PCDHGB5: variants seen among roughly 807,000 people sequenced by gnomAD.
PCDHGB5 encodes protocadherin gamma-B5.
In PCDHGB5, 48 loss-of-function variants were observed where a neutral mutation model predicts 62.9. The ratio of observed to expected loss-of-function variants is 0.76; its 90% CI spans 0.61 to 0.97. PCDHGB5 has a LOEUF of 0.97. Among genes scored for constraint, PCDHGB5 ranks in the 50% least tolerant of loss-of-function variants. PCDHGB5 has a pLI of 0.00. For synonymous variants in PCDHGB5, 474 were observed against 511.2 expected (o/e 0.93, Z 0.98); for missense variants, 1,118 against 1,198.6 (o/e 0.93, Z 0.99).
chr5:141,494,745 G>C, intron 1 of PCDHGB5, 62 bp from the exon 2 acceptor site: 1 of 1,612,802 alleles, frequency 6.2e-7, no homozygotes, highest in Middle Eastern at 1.7e-4. Flanking sequence ...ATCCCTAGGG[G>C]CTCGGGTGAC....
intron 1 of PCDHGB5, among the ~76,000 whole-genome samples, chr5:141,465,502 G>T (rs948827391): frequency 6.6e-6 from 1 of 152,152 alleles, no homozygotes; most frequent in Non-Finnish European, 1.5e-5. Flanking sequence ...GAGCATTGTC[G>T]TGGTCAGGAA....
At chr5:141,422,989 C>T (rs777558098) in intron 1 of PCDHGB5, 1 of 1,614,232 alleles carries the variant, frequency 6.2e-7, no homozygotes, top group African/African-American at 1.3e-5. Flanking sequence ...ACCTGGCTAC[C>T]TGGTGACCAA....
intron 1 of PCDHGB5, chr5:141,430,836 C>T: frequency 6.4e-7 from 1 of 1,558,936 alleles, no homozygotes; most frequent in South Asian, 1.2e-5. Context: ...CTGTGGGAGA[C>T]CGGATGCACC....
At chr5:141,508,824 G>T (rs893436748) in intron 3 of PCDHGB5, among the ~76,000 whole-genome samples, 1 of 151,952 alleles carries the variant, frequency 6.6e-6, no homozygotes, top group Non-Finnish European at 1.5e-5. Context: ...CCAGATCTGG[G>T]CCCCCCTCCC....
Position 141,500,858 on chromosome 5 carries a change from A to G in PCDHGB5, c.2457-4535A>G, listed in dbSNP as rs1160743056. Among the ~76,000 whole-genome samples the G allele has an allele frequency of 3.3e-5, 5 of 150,740 alleles. No individual in the cohort carries two copies. The South Asian group carries it at 1.0e-3, about 32-fold the overall frequency. ...TAATGGGCTTTTGCTACATTAGAAA[A>G]CATACACATTCATTTACAATTTTTT... On this transcript the variant is annotated intron_variant, in intron 2 of 3. Coordinates refer to ENST00000617380, the MANE Select transcript of PCDHGB5 (RefSeq NM_018925.3).
chr5:141,496,839 A>G (rs2099771783), intron 2 of PCDHGB5, among the ~76,000 whole-genome samples: 1 of 151,484 alleles, frequency 6.6e-6, no homozygotes. Flanking sequence ...CAGAACTCAT[A>G]GGCTTCCAGA....
At position 141,512,133 on chromosome 5, in the gene PCDHGB5, G is replaced by C. The variant is rs1394116556; in HGVS notation, c.*960G>C. 1 of 152,708 alleles carries C rather than the reference G, an allele frequency of 6.5e-6. No homozygotes were observed. Among genetic ancestry groups the C allele is most frequent in the Non-Finnish European group, 1.5e-5 (1 of 68,102 alleles). The allele number at this position is 152,708 out of a possible 1,614,324, so 9.5% of individuals were successfully genotyped here. On this transcript the variant is annotated 3_prime_UTR_variant, in exon 4 of 4. Transcript: ENST00000617380. ...CCACTACATAATAGGGCTCAGCCCA[G>C]GCAGCCAGCTTTGGGCTGAGCTAAC...
intron 1 of PCDHGB5, chr5:141,475,927 G>A: frequency 1.6e-6 from 1 of 628,480 alleles, no homozygotes; most frequent in South Asian, 2.1e-5. Flanking sequence ...CTGGAGATCG[G>A]GCCCCTGCCC....
chr5:141,427,810 G>T, intron 1 of PCDHGB5: 1 of 1,523,990 alleles, frequency 6.6e-7, no homozygotes, highest in Non-Finnish European at 9.0e-7. Flanking sequence ...AGCGCACAGA[G>T]CGGGGTGGTG....
intron 2 of PCDHGB5, among the ~76,000 whole-genome samples, chr5:141,500,779 T>C (rs1222392685): frequency 1.3e-5 from 2 of 152,238 alleles, no homozygotes; most frequent in Non-Finnish European, 2.9e-5. Context: ...TGAATATACA[T>C]ATTATTTTAC....
Position 141,398,079 on chromosome 5 carries a change from G to A in PCDHGB5, c.-49G>A, listed in dbSNP as rs1409220171. The A allele has an allele frequency of 5.6e-6, 9 of 1,596,334 alleles. No individual in the cohort carries two copies. The highest frequency in any genetic ancestry group is 3.8e-4 in the Middle Eastern group (2 of 5,214). On this transcript the variant is annotated 5_prime_UTR_variant, in exon 1 of 4. Coordinates refer to ENST00000617380, the MANE Select transcript of PCDHGB5 (RefSeq NM_018925.3). ...AAAATCTACAATACAGAGGTTATTT[G>A]TAACCTGGCGTCTCCAGGCTGGTGA...
chr5:141,412,154 A>G (rs528810323), intron 1 of PCDHGB5: 1 of 152,344 alleles, frequency 6.6e-6, no homozygotes, highest in Admixed American at 6.5e-5. Flanking sequence ...ACTGCCTAAG[A>G]GAAGAGATTA....
intron 3 of PCDHGB5, among the ~76,000 whole-genome samples, chr5:141,507,893 G>C (rs750472786): frequency 2.2e-4 from 33 of 152,356 alleles, no homozygotes; most frequent in Non-Finnish European, 4.1e-4. Context: ...AGAGGTTCCT[G>C]AAGTCCAGCC....
At chr5:141,499,553 A>T (rs1215178587) in intron 2 of PCDHGB5, among the ~76,000 whole-genome samples, 3 of 152,206 alleles carry the variant, frequency 2.0e-5, no homozygotes, top group African/African-American at 4.8e-5. Context: ...CCTGTATGAT[A>T]CCACTATCCA....
rs140184617 is a variant in PCDHGB5, at chr5:141,405,523, G to A, written c.2397+4999G>A. ...CAACCTCCGCCTCCCAAATTCAAGC[G>A]ATTCTCCTGCCTCAGCCTCCCAAGT... is the stretch of plus-strand genomic sequence containing the variant. On this transcript the variant is annotated intron_variant, in intron 1 of 3. Transcript: ENST00000617380. 5.4e-4 allele frequency: 366 copies of A among 679,318 alleles called. 4 individuals carry two copies. In the East Asian group the frequency reaches 9.7e-3, roughly 18 times the overall value. The allele number at this position is 679,318 out of a possible 1,614,324, so 42.1% of individuals were successfully genotyped here.
rs759576434 is a variant in PCDHGB5 at position 141,432,109 on chromosome 5, G to C, written c.2397+31585G>C. Reference sequence around the variant, plus strand: ...TGGCAGACACCAACGACAACCCGCCGGTCTTCCCTCAGGCCTCCTATTCCG... The same window carrying C: ...TGGCAGACACCAACGACAACCCGCCCGTCTTCCCTCAGGCCTCCTATTCCG... On this transcript the variant is annotated intron_variant, in intron 1 of 3. Transcript: ENST00000617380. The surrounding 1 kb of genome is among the most constrained non-coding windows in gnomAD (Gnocchi z 6.0). 9 of 1,613,972 alleles carry C rather than the reference G, an allele frequency of 5.6e-6. No homozygotes were observed. In the African/African-American group the frequency reaches 9.3e-5, roughly 17 times the overall value.
intron 1 of PCDHGB5, chr5:141,404,968 G>A: frequency 6.2e-7 from 1 of 1,613,964 alleles, no homozygotes. Context: ...CAGACATCCT[G>A]GCTGACCTGG....
chr5:141,399,775 G>T lies in PCDHGB5; in HGVS notation c.1648G>T (p.Asp550Tyr). The T allele has an allele frequency of 1.9e-6, 3 of 1,613,282 alleles. No individual in the cohort carries two copies. Among genetic ancestry groups the T allele is most frequent in the Non-Finnish European group, 2.5e-6 (3 of 1,179,776 alleles). The change falls in exon 1 of 4, where the codon GAC becomes TAC. Residue 550 changes from aspartate to tyrosine, a missense_variant. Physicochemically the swap from Asp to Tyr is radical, Grantham distance 160. Around this residue, in one of 2 missense-constraint regions of PCDHGB5, gnomAD observed 1,034 missense variants for 1,029.1 expected, o/e 1.00. Transcript: ENST00000617380. ...CGTGAGCCTGCGCGTGTTGGTGGGC[G>T]ACCGAAACGACAACGCACCGCGGGT... ...ANVSLRVLVG[D>Y]RNDNAPRVLY...
intron 1 of PCDHGB5, chr5:141,412,735 T>A (rs2095573578): frequency 6.5e-6 from 1 of 153,492 alleles, no homozygotes; most frequent in African/African-American, 2.4e-5. Context: ...GTGTTGCAAA[T>A]ATATATTTAA....
Sources: allele counts gnomAD v4.1 joint callset (sites outside exome capture counted in the v4.1 genomes callset), GRCh38; gene constraint gnomAD v4.1.1; regional missense constraint gnomAD v4.1.1; non-coding constraint Gnocchi (gnomAD v3.1); transcripts MANE v1.5; gene names NCBI Gene and HGNC (gene_info 2026-07-23, HGNC 2026-07-21).